Variants in ANP32A observed in about 807,000 individuals in gnomAD.
The protein encoded by ANP32A is acidic nuclear phosphoprotein 32 family member A.
Under a neutral mutation model 33.9 loss-of-function variants are expected in ANP32A, and 1 was observed. The ratio of observed to expected loss-of-function variants is 0.03; its 90% confidence interval spans 0.01 to 0.14. ANP32A has a LOEUF of 0.14. ANP32A is among the 10% of genes least tolerant of loss of function. The pLI, the probability that ANP32A is intolerant of heterozygous loss-of-function variation, is 1.00. For synonymous variants in ANP32A, 115 were observed against 120.5 expected (o/e 0.95, Z 0.30); for missense variants, 155 against 306.0 (o/e 0.51, Z 3.68).
intron 5 of ANP32A, 85 bp downstream of exon 5, chr15:68,782,871 G>A: frequency 4.6e-6 from 7 of 1,525,172 alleles, no homozygotes; most frequent in South Asian, 1.2e-5. Flanking sequence ...CAGGGCTCCG[G>A]GGCTGCCAAG....
intron 4 of ANP32A, among the ~76,000 whole-genome samples, chr15:68,783,675 G>C (rs1390687474): frequency 6.6e-6 from 1 of 152,224 alleles, no homozygotes; most frequent in Non-Finnish European, 1.5e-5. Context: ...TGGGAAAGCT[G>C]CACTGTGCTG....
At chr15:68,786,064 C>G (rs1273653245) in intron 3 of ANP32A, among the ~76,000 whole-genome samples, 1 of 152,082 alleles carries the variant, frequency 6.6e-6, no homozygotes, top group African/African-American at 2.4e-5. Flanking sequence ...CACTGGCCAC[C>G]AGCAAGTCCC....
chr15:68,784,703 G>A, intron 3 of ANP32A, 108 bp from the exon 4 acceptor site: 1 of 1,256,476 alleles, frequency 8.0e-7, no homozygotes, highest in Non-Finnish European at 1.1e-6. Flanking sequence ...CGCAGACCAT[G>A]ACTTCCAGGT....
intron 1 of ANP32A, among the ~76,000 whole-genome samples, chr15:68,805,140 G>A (rs935386393): frequency 6.6e-6 from 1 of 152,184 alleles, no homozygotes; most frequent in Admixed American, 6.5e-5. Context: ...GGTCTCTCCA[G>A]CCCCCATTCA....
intron 1 of ANP32A, among the ~76,000 whole-genome samples, chr15:68,810,135 CAGAG>C (rs1280359051): frequency 6.6e-6 from 1 of 152,128 alleles, no homozygotes; most frequent in Non-Finnish European, 1.5e-5. Flanking sequence ...CAGGGAGGCC[CAGAG>C]AGAGTGGGGC....
intron 1 of ANP32A, among the ~76,000 whole-genome samples, chr15:68,817,961 C>G (rs910568569): frequency 6.6e-6 from 1 of 152,216 alleles, no homozygotes; most frequent in African/African-American, 2.4e-5. Flanking sequence ...GCGCGCAGGG[C>G]CCTGGAGGCG....
intron 1 of ANP32A, among the ~76,000 whole-genome samples, chr15:68,810,127 G>A (rs1031824952): frequency 5.3e-5 from 8 of 152,186 alleles, no homozygotes; most frequent in Admixed American, 5.2e-4. Context: ...GAGGCAGCCA[G>A]GGAGGCCCAG....
intron 1 of ANP32A, among the ~76,000 whole-genome samples, chr15:68,819,521 G>A (rs181872604): frequency 2.0e-3 from 310 of 152,378 alleles, no homozygotes; most frequent in Middle Eastern, 3.4e-3. Context: ...AGAGCTGCGT[G>A]TTTGCCATGC....
chr15:68,784,656 C>A, intron 3 of ANP32A, 61 bp from the exon 4 acceptor site: 1 of 1,573,560 alleles, frequency 6.4e-7, no homozygotes, highest in Non-Finnish European at 8.7e-7. Flanking sequence ...GGAGGAACAG[C>A]CCTAGCAAAC....
chr15:68,780,259 C>A lies in ANP32A; in HGVS notation c.689-117G>T. ...AGCAAGCTGTGCCATCCTTGGAAAC[C>A]GAGGCAAGACATCTGCACAGCTGGA... On this transcript the variant is annotated intron_variant, in intron 6 of 6. Transcript: ENST00000465139. The surrounding 1 kb of genome is among the most constrained non-coding windows in gnomAD (Gnocchi z 4.3). 1 of 1,560,348 alleles carries A rather than the reference C, an allele frequency of 6.4e-7. No individual in the cohort carries two copies. The highest frequency in any genetic ancestry group is 8.7e-7 in the Non-Finnish European group (1 of 1,151,416).
At chr15:68,810,126 AGGGAGGCCCAGAGAGAGT>A (rs1198055259) in intron 1 of ANP32A, among the ~76,000 whole-genome samples, 2 of 152,208 alleles carry the variant, frequency 1.3e-5, no homozygotes, top group Non-Finnish European at 2.9e-5. Context: ...AGAGGCAGCC[AGGGAGGCCCAGAGAGAGT>A]GGGGCAAGGG....
At chr15:68,808,380 T>G (rs1567039392) in intron 1 of ANP32A, among the ~76,000 whole-genome samples, 2 of 152,184 alleles carry the variant, frequency 1.3e-5, no homozygotes, top group Admixed American at 6.5e-5. Context: ...GCAGTGTATG[T>G]GCTATGCTCC....
chr15:68,801,368 C>T (rs1204434094), intron 1 of ANP32A, among the ~76,000 whole-genome samples: 1 of 151,902 alleles, frequency 6.6e-6, no homozygotes, highest in Non-Finnish European at 1.5e-5. Flanking sequence ...GGGGTTTGGA[C>T]ACATGAGAAG....
chr15:68,817,841 C>G (rs2140376930), intron 1 of ANP32A: 1 of 152,216 alleles, frequency 6.6e-6, no homozygotes, highest in Non-Finnish European at 1.5e-5. Flanking sequence ...GCCTCCTCCG[C>G]GCGGGAGGCC....
intron 1 of ANP32A, among the ~76,000 whole-genome samples, chr15:68,798,017 T>TC (rs1894085455): frequency 6.6e-6 from 1 of 152,138 alleles, no homozygotes; most frequent in African/African-American, 2.4e-5. Context: ...GAGGCAAAGC[T>TC]CCCCACTAAA....
At chr15:68,800,276 A>G (rs1313633145) in intron 1 of ANP32A, among the ~76,000 whole-genome samples, 1 of 152,190 alleles carries the variant, frequency 6.6e-6, no homozygotes, top group Non-Finnish European at 1.5e-5. Context: ...CAGTCCGTAC[A>G]GAGTATTTAC....
intron 1 of ANP32A, among the ~76,000 whole-genome samples, chr15:68,819,859 T>C (rs1385846077): frequency 6.6e-6 from 1 of 152,112 alleles, no homozygotes; most frequent in Non-Finnish European, 1.5e-5. Context: ...CCTTCTAATT[T>C]ATCCTCCCTT....
rs566183566 is a variant in ANP32A at position 68,820,625 on chromosome 15, C to G, written c.54+73G>C. 206 of 997,514 alleles carry G rather than the reference C, an allele frequency of 2.1e-4. 3 individuals carry two copies. The highest frequency in any genetic ancestry group is 2.6e-4 in the Non-Finnish European group (196 of 758,272). 61.8% of individuals were successfully genotyped at this position (997,514 alleles called of 1,614,324 possible). A position where few individuals can be genotyped will look rare whatever the true frequency, so the allele number is the denominator to read the frequency against. On this transcript the variant is annotated intron_variant, in intron 1 of 6. Coordinates refer to ENST00000465139, the MANE Select transcript of ANP32A (RefSeq NM_006305.4). ...CCCCCCCCAAAAAAAGTGCCTCCCC[C>G]CAGCGCGCACACACACACACACACA...
chr15:68,813,776 A>G (rs1464598310), intron 1 of ANP32A, among the ~76,000 whole-genome samples: 1 of 152,076 alleles, frequency 6.6e-6, no homozygotes, highest in Non-Finnish European at 1.5e-5. Context: ...GGGCCCAATC[A>G]CCAACAAGCT....
Sources: gnomAD v4.1 joint callset for allele counts (sites outside exome capture counted in the v4.1 genomes callset) on GRCh38, gnomAD v4.1.1 for gene constraint, Gnocchi (gnomAD v3.1) non-coding constraint, MANE v1.5 for transcripts, NCBI Gene and HGNC (gene_info 2026-07-23, HGNC 2026-07-21) for gene names.